RBFOX1: variants seen among roughly 807,000 people sequenced by gnomAD.
The protein encoded by RBFOX1 is RNA binding fox-1 homolog 1, also known as RNA binding protein fox-1 homolog 1.
In RBFOX1, 8 loss-of-function variants were observed where a neutral mutation model predicts 57.7. That is an observed-to-expected ratio of 0.14 (90% CI 0.08 to 0.25). The LOEUF (loss-of-function observed/expected upper bound fraction) is 0.25. RBFOX1 is among the 10% of genes least tolerant of loss of function. RBFOX1 has a pLI of 1.00. For missense variants in RBFOX1, 611 were observed against 548.5 expected, an observed-to-expected ratio of 1.11 and a Z score of -1.14; for synonymous variants, 326 against 222.4, an observed-to-expected ratio of 1.47 and a Z score of -4.15.
At position 6,361,628 on chromosome 16, in the gene RBFOX1, T is replaced by TTAAAAAAAAAAAAAAAAAA. The variant is rs1371587081; in HGVS notation, c.-64+44571_-64+44572insTAAAAAAAAAAAAAAAAAA. ...GGGTGACACATTGAGACTCTGTCTCTAAAAAAAAAAAAAAAAATCATGGTC... is the reference window on the plus strand; with the variant it reads ...GGGTGACACATTGAGACTCTGTCTCTTAAAAAAAAAAAAAAAAAAAAAAAAAAAAAAAAAAATCATGGTC... On this transcript the variant is annotated intron_variant, in intron 2 of 15. Transcript: ENST00000550418. 1.9e-4 allele frequency among the ~76,000 whole-genome samples: 24 copies of TTAAAAAAAAAAAAAAAAAA among 127,936 alleles called. 1 individual carries two copies. In the East Asian group the frequency reaches 3.8e-3, roughly 20 times the overall value. 83.9% of individuals were successfully genotyped at this position (127,936 alleles called of 152,430 possible).
intron 3 of RBFOX1, among the ~76,000 whole-genome samples, chr16:5,644,934 T>C (rs1299607271): frequency 6.6e-6 from 1 of 152,088 alleles, no homozygotes; most frequent in Non-Finnish European, 1.5e-5. Flanking sequence ...GCACATGCCA[T>C]GGCATGGATG....
At chr16:7,504,771 T>TTTTATATA (rs2072541790) in intron 4 of RBFOX1, among the ~76,000 whole-genome samples, 1 of 49,848 alleles carries the variant, frequency 2.0e-5, no homozygotes, top group African/African-American at 1.7e-4. Flanking sequence ...ATATATATAT[T>TTTTATATA]TATATATATA....
At chr16:6,166,677 C>G (rs1020541150) in intron 1 of RBFOX1, among the ~76,000 whole-genome samples, 1 of 152,160 alleles carries the variant, frequency 6.6e-6, no homozygotes, top group African/African-American at 2.4e-5. Context: ...ATCTCTCTGT[C>G]TGTATCATAA....
At chr16:6,456,725 G>C (rs548412887) in intron 2 of RBFOX1, among the ~76,000 whole-genome samples, 1 of 152,148 alleles carries the variant, frequency 6.6e-6, no homozygotes, top group African/African-American at 2.4e-5. Context: ...TGGGAATGAA[G>C]ACAACTGAAT....
chr16:6,042,985 C>T (rs1222830479), intron 1 of RBFOX1, among the ~76,000 whole-genome samples: 2 of 151,698 alleles, frequency 1.3e-5, no homozygotes, highest in Non-Finnish European at 2.9e-5. Context: ...GGCTTGGTGG[C>T]ATGCACCTGT....
intron 2 of RBFOX1, among the ~76,000 whole-genome samples, chr16:6,485,333 C>T (rs896270946): frequency 6.6e-6 from 1 of 151,056 alleles, no homozygotes; most frequent in African/African-American, 2.5e-5. Context: ...GAAGGAGCTC[C>T]TCCCTCCCTC....
chr16:7,209,372 T>C (rs971955767), intron 4 of RBFOX1, among the ~76,000 whole-genome samples: 3 of 152,166 alleles, frequency 2.0e-5, no homozygotes, highest in East Asian at 3.9e-4. Context: ...CCTTTTCTTA[T>C]AAGGACACCA....
intron 4 of RBFOX1, among the ~76,000 whole-genome samples, chr16:6,007,326 A>C (rs1444082484): frequency 6.6e-6 from 1 of 152,162 alleles, no homozygotes; most frequent in African/African-American, 2.4e-5. Context: ...CCACATCCTG[A>C]GCTGCCCACT....
At chr16:6,826,142 A>C (rs2092105879) in intron 3 of RBFOX1, among the ~76,000 whole-genome samples, 1 of 151,894 alleles carries the variant, frequency 6.6e-6, no homozygotes, top group South Asian at 2.1e-4. Flanking sequence ...TCCCTACCCC[A>C]GTTTTCTCAT....
At chr16:5,603,365 G>A (rs1026398639), downstream of RBFOX1, among the ~76,000 whole-genome samples, 1 of 151,502 alleles carries the variant, frequency 6.6e-6, no homozygotes, top group Non-Finnish European at 1.5e-5. Flanking sequence ...GGCTCAGAAG[G>A]GCATGGCTTG....
At chr16:6,709,729 C>T (rs1260702976) in intron 3 of RBFOX1, among the ~76,000 whole-genome samples, 3 of 152,054 alleles carry the variant, frequency 2.0e-5, no homozygotes, top group Non-Finnish European at 4.4e-5. Context: ...GGAACAGTTC[C>T]CTGGTAACTT....
intron 14 of RBFOX1, among the ~76,000 whole-genome samples, chr16:7,698,281 A>G (rs1200251048): frequency 1.3e-5 from 2 of 151,792 alleles, no homozygotes; most frequent in Non-Finnish European, 2.9e-5. Context: ...CCATGCCAGG[A>G]CCCACCATGC....
rs565455175 is a variant in RBFOX1, at chr16:7,118,343, T to C, written c.27+66245T>C. Among the ~76,000 whole-genome samples, 3 of 150,694 alleles carry C rather than the reference T, an allele frequency of 2.0e-5. No homozygotes were observed. The South Asian group carries it at 6.2e-4, about 31-fold the overall frequency. On this transcript the variant is annotated intron_variant, in intron 4 of 15. Coordinates refer to ENST00000550418, the MANE Select transcript of RBFOX1 (RefSeq NM_018723.4). The stretch of plus-strand genomic sequence containing the variant: ...TTTGCATTTCCCTGATGATTAGTGA[T>C]AAGCATTTTTTTCATGTTTCTTGGC...
intron 4 of RBFOX1, among the ~76,000 whole-genome samples, chr16:7,472,680 A>C (rs1599305239): frequency 6.6e-6 from 1 of 152,218 alleles, no homozygotes; most frequent in Non-Finnish European, 1.5e-5. Flanking sequence ...GTCAATTAAT[A>C]AACAAGCATA....
At chr16:5,680,931 G>A (rs767196010) in intron 3 of RBFOX1, among the ~76,000 whole-genome samples, 2 of 151,830 alleles carry the variant, frequency 1.3e-5, no homozygotes, top group Non-Finnish European at 2.9e-5. Context: ...GGGGGGCAGG[G>A]GTGCAGCAGC....
intron 2 of RBFOX1, among the ~76,000 whole-genome samples, chr16:6,547,743 T>C (rs951002360): frequency 6.6e-6 from 1 of 151,980 alleles, no homozygotes; most frequent in African/African-American, 2.4e-5. Context: ...ACATTTCGTT[T>C]AGACCAGGGG....
intron 4 of RBFOX1, among the ~76,000 whole-genome samples, chr16:5,940,358 A>G (rs73521363): frequency 0.078 from 11,903 of 152,214 alleles, 727 homozygotes; most frequent in African/African-American, 0.16. Flanking sequence ...GCATGCCCTA[A>G]GAGCCCAATG....
At chr16:5,819,338 C>T (rs916341273) in intron 3 of RBFOX1, among the ~76,000 whole-genome samples, 1 of 152,176 alleles carries the variant, frequency 6.6e-6, no homozygotes, top group African/African-American at 2.4e-5. Flanking sequence ...TGACCACCTC[C>T]CAAGGGGCCT....
chr16:5,811,824 A>G (rs2055442894), intron 3 of RBFOX1, among the ~76,000 whole-genome samples: 2 of 152,218 alleles, frequency 1.3e-5, no homozygotes, highest in South Asian at 4.1e-4. Flanking sequence ...TCTATGAAAT[A>G]CAATATAGAT....
Sources: allele counts gnomAD v4.1 joint callset (sites outside exome capture counted in the v4.1 genomes callset), GRCh38; gene constraint gnomAD v4.1.1; transcripts MANE v1.5; gene names NCBI Gene and HGNC (gene_info 2026-07-23, HGNC 2026-07-21).